SPIDR: variants seen among roughly 807,000 people sequenced by gnomAD.
SPIDR encodes scaffold protein involved in DNA repair, also known as DNA repair-scaffolding protein.
SPIDR carries 93 observed loss-of-function variants against 104.6 expected under a neutral mutation model. The observed-to-expected ratio is 0.89, with a 90% CI of 0.75 to 1.06. The LOEUF is 1.06. Ranked by LOEUF, SPIDR falls within the 50% of genes least tolerant of loss-of-function variation. The probability of loss-of-function intolerance (pLI) is 0.00; values close to 1 mark genes in which losing one functional copy is unlikely to be tolerated. For synonymous variants in SPIDR, 431 were observed against 416.9 expected, an observed-to-expected ratio of 1.03 and a Z score of -0.41; for missense variants, 1,154 against 1,111.2, an observed-to-expected ratio of 1.04 and a Z score of -0.55.
chr8:47,711,674 A>G (rs953173033), intron 14 of SPIDR, among the ~76,000 whole-genome samples: 1 of 152,066 alleles, frequency 6.6e-6, no homozygotes, highest in African/African-American at 2.4e-5. Flanking sequence ...ATCTACTTCT[A>G]TATTTCTATC....
chr8:47,726,468 G>A (rs1048636262), intron 16 of SPIDR, among the ~76,000 whole-genome samples: 1 of 152,244 alleles, frequency 6.6e-6, no homozygotes, highest in Non-Finnish European at 1.5e-5. Context: ...ATTTGGTGGT[G>A]TATCTAGATG....
At chr8:47,658,866 G>A (rs1414142084) in intron 10 of SPIDR, among the ~76,000 whole-genome samples, 2 of 151,294 alleles carry the variant, frequency 1.3e-5, no homozygotes, top group Non-Finnish European at 2.9e-5. Context: ...GACCGGCGAG[G>A]TGGAGATTGC....
intron 16 of SPIDR, among the ~76,000 whole-genome samples, chr8:47,721,077 G>C (rs2083330845): frequency 6.6e-6 from 1 of 152,052 alleles, no homozygotes; most frequent in African/African-American, 2.4e-5. Context: ...CTCTTAATAA[G>C]TCTTTTTGCA....
At chr8:47,702,136 C>CACAT (rs1168597100) in intron 14 of SPIDR, 121 bp downstream of exon 14, 3 of 1,026,720 alleles carry the variant, frequency 2.9e-6, no homozygotes, top group African/African-American at 1.7e-5. Flanking sequence ...CACACACACA[C>CACAT]GGTGTTAGAG....
In SPIDR at chr8:47,421,008, G is replaced by A. The variant is rs551732358; in HGVS notation, c.877+13047G>A. 5.4e-4 allele frequency among the ~76,000 whole-genome samples: 82 copies of A among 152,286 alleles called. No individual in the cohort carries two copies. The South Asian group carries it at 8.1e-3, about 15-fold the overall frequency. On this transcript the variant is annotated intron_variant, in intron 7 of 19. Transcript: ENST00000297423. Reference sequence around the variant, plus strand: ...TTAGTCTGATGGGCTTCACTTTGTGGGTAACCCCACCTTTCTCTCTGGCTG... The same window carrying A: ...TTAGTCTGATGGGCTTCACTTTGTGAGTAACCCCACCTTTCTCTCTGGCTG...
chr8:47,616,403 G>T (rs1202756723), intron 10 of SPIDR, among the ~76,000 whole-genome samples: 1 of 152,230 alleles, frequency 6.6e-6, no homozygotes, highest in African/African-American at 2.4e-5. Flanking sequence ...TGCTTTTTCT[G>T]CACAGTATAA....
chr8:47,496,401 C>T (rs1157662417), intron 8 of SPIDR, among the ~76,000 whole-genome samples: 1 of 152,122 alleles, frequency 6.6e-6, no homozygotes, highest in Non-Finnish European at 1.5e-5. Context: ...GTGTTTTCAT[C>T]ATGAACATGT....
At chr8:47,409,616 C>T (rs1237788377) in intron 7 of SPIDR, among the ~76,000 whole-genome samples, 1 of 152,212 alleles carries the variant, frequency 6.6e-6, no homozygotes, top group Non-Finnish European at 1.5e-5. Flanking sequence ...TAGAGTTGAT[C>T]TCCCCGTTCC....
chr8:47,631,601 G>A (rs1485000883), intron 10 of SPIDR, among the ~76,000 whole-genome samples: 4 of 152,102 alleles, frequency 2.6e-5, no homozygotes, highest in Non-Finnish European at 5.9e-5. Context: ...AAACAGATTT[G>A]GATTTTATTT....
chr8:47,484,141 G>GTGACCTCAC (rs1401461750), intron 8 of SPIDR, among the ~76,000 whole-genome samples: 10 of 152,326 alleles, frequency 6.6e-5, no homozygotes, highest in African/African-American at 2.4e-4. Flanking sequence ...TGCTTGACAC[G>GTGACCTCAC]TGACCTCACC....
intron 5 of SPIDR, among the ~76,000 whole-genome samples, chr8:47,342,009 T>A (rs1354949842): frequency 6.6e-6 from 1 of 152,196 alleles, no homozygotes; most frequent in Non-Finnish European, 1.5e-5. Context: ...ATTCTTCACC[T>A]TTTTATTACT....
rs1441102175 is a variant in SPIDR at position 47,487,732 on chromosome 8, G to A, written c.1097+47190G>A. On this transcript the variant is annotated intron_variant, in intron 8 of 19. Coordinates refer to ENST00000297423, the MANE Select transcript of SPIDR (RefSeq NM_001080394.4). ...AAAACCACTCAACTACATGGAAACT[G>A]CACAACGTGCTCCTGAATGACTACT... Among the ~76,000 whole-genome samples the A allele has an allele frequency of 2.6e-5, 4 of 152,280 alleles. No individual in the cohort carries two copies. In the East Asian group the frequency reaches 5.8e-4, roughly 22 times the overall value.
chr8:47,731,998 G>C, intron 19 of SPIDR: 1 of 607,670 alleles, frequency 1.6e-6, no homozygotes, highest in Non-Finnish European at 2.9e-6. Flanking sequence ...CAGCTCTCCA[G>C]CTGCTCCATG....
intron 5 of SPIDR, among the ~76,000 whole-genome samples, chr8:47,297,685 C>A (rs1443873964): frequency 6.6e-6 from 1 of 152,196 alleles, no homozygotes; most frequent in Admixed American, 6.5e-5. Flanking sequence ...TCACTTCCCA[C>A]CTGTGAGTGA....
intron 5 of SPIDR, among the ~76,000 whole-genome samples, chr8:47,369,361 G>A (rs1438560776): frequency 2.6e-5 from 4 of 152,188 alleles, no homozygotes; most frequent in East Asian, 1.9e-4. Context: ...TAATGACAGC[G>A]TGGACTACTT....
chr8:47,356,578 A>G lies in SPIDR; in HGVS notation c.526-39798A>G, dbSNP rs913064694. 5.4e-4 allele frequency among the ~76,000 whole-genome samples: 83 copies of G among 152,344 alleles called. 1 individual carries two copies. The highest frequency in any genetic ancestry group is 1.9e-3 in the African/African-American group (77 of 41,570). On this transcript the variant is annotated intron_variant, in intron 5 of 19. Coordinates refer to ENST00000297423, the MANE Select transcript of SPIDR (RefSeq NM_001080394.4). ...CATTTGAAAACCTATTACCAGGATT[A>G]TATACGATAGTTAAATTTTAAGTAG... is the stretch of plus-strand genomic sequence containing the variant.
intron 18 of SPIDR, 165 bp downstream of exon 18, chr8:47,729,212 C>A: frequency 6.7e-7 from 1 of 1,492,190 alleles, no homozygotes; most frequent in Non-Finnish European, 9.0e-7. Flanking sequence ...AGGAGCTTCC[C>A]TAGGAAAGGT....
chr8:47,679,401 A>G (rs562672057), intron 11 of SPIDR, among the ~76,000 whole-genome samples: 19 of 148,380 alleles, frequency 1.3e-4, no homozygotes, highest in Middle Eastern at 3.6e-3. Context: ...GGCCTGTGCC[A>G]GGTCCCCACC....
At chr8:47,592,707 T>C in intron 8 of SPIDR, 1 of 613,904 alleles carries the variant, frequency 1.6e-6, no homozygotes, top group Non-Finnish European at 2.9e-6. Context: ...TATGATTGTC[T>C]TTAATGTTTT....
Sources: gnomAD v4.1 joint callset for allele counts (sites outside exome capture counted in the v4.1 genomes callset) on GRCh38, gnomAD v4.1.1 for gene constraint, MANE v1.5 for transcripts, NCBI Gene and HGNC (gene_info 2026-07-23, HGNC 2026-07-21) for gene names.